The following ADAM19 variants were observed in gnomAD, a reference collection of about 807,000 sequenced individuals.
The protein encoded by ADAM19 is ADAM metallopeptidase domain 19, also known as disintegrin and metalloproteinase domain-containing protein 19.
A neutral mutation model predicts 114.7 loss-of-function variants in ADAM19; 65 were observed. The observed-to-expected ratio is 0.57, with a 90% CI of 0.46 to 0.70. The LOEUF (loss-of-function observed/expected upper bound fraction) is 0.70, where lower values mean the gene tolerates loss of function less well. Ranked by LOEUF, ADAM19 falls within the 30% of genes least tolerant of loss-of-function variation. The pLI, the probability that ADAM19 is intolerant of heterozygous loss-of-function variation, is 0.00. For missense variants in ADAM19, 1,063 were observed against 1,204.7 expected (o/e 0.88, Z 1.74); for synonymous variants, 466 against 460.5 (o/e 1.01, Z -0.15).
intron 5 of ADAM19, among the ~76,000 whole-genome samples, chr5:157,524,812 T>C (rs1243647491): frequency 6.6e-6 from 1 of 152,244 alleles, no homozygotes; most frequent in Admixed American, 6.5e-5. Flanking sequence ...GTTGCTGTGA[T>C]AATGGACTGA....
chr5:157,503,448 A>T (rs1339600808), intron 11 of ADAM19, among the ~76,000 whole-genome samples: 1 of 152,116 alleles, frequency 6.6e-6, no homozygotes, highest in Non-Finnish European at 1.5e-5. Context: ...CATATGTAAC[A>T]AACCTGCACG....
intron 1 of ADAM19, 120 bp downstream of exon 1, chr5:157,575,483 C>T (rs1581366985): frequency 3.0e-6 from 2 of 673,256 alleles, no homozygotes; most frequent in Non-Finnish European, 4.4e-6. Flanking sequence ...ACGGCGGGGG[C>T]GCAGGCCCCG....
chr5:157,497,570 T>TACATAC (rs1755404300), intron 13 of ADAM19, among the ~76,000 whole-genome samples: 1 of 116,686 alleles, frequency 8.6e-6, no homozygotes, highest in African/African-American at 3.9e-5. Flanking sequence ...GGCCCACTAA[T>TACATAC]ACACACACAC....
intron 22 of ADAM19, chr5:157,481,465 G>T (rs1431169351): frequency 2.5e-6 from 2 of 812,764 alleles, no homozygotes; most frequent in South Asian, 1.9e-5. Context: ...ACCTGATGGG[G>T]CTGGTACTAC....
intron 9 of ADAM19, among the ~76,000 whole-genome samples, chr5:157,508,776 C>G (rs1581312826): frequency 6.6e-6 from 1 of 152,276 alleles, no homozygotes; most frequent in East Asian, 1.9e-4. Context: ...AAATCTAGCA[C>G]AATCCCTCCT....
chr5:157,496,660 C>T (rs1169120523), intron 14 of ADAM19, among the ~76,000 whole-genome samples: 3 of 152,144 alleles, frequency 2.0e-5, no homozygotes, highest in South Asian at 4.1e-4. Context: ...GCTCATTTTT[C>T]TTTTGGATTA....
chr5:157,487,582 G>A (rs1399487224), intron 21 of ADAM19, among the ~76,000 whole-genome samples: 2 of 152,228 alleles, frequency 1.3e-5, no homozygotes, highest in African/African-American at 4.8e-5. Flanking sequence ...CCTGCAGAAG[G>A]TGTGGTCAGA....
At chr5:157,510,340 G>A (rs181825539) in intron 8 of ADAM19, among the ~76,000 whole-genome samples, 86 of 152,332 alleles carry the variant, frequency 5.6e-4, no homozygotes, top group Non-Finnish European at 8.1e-4. Context: ...TGGGCGTGGT[G>A]GCGCATGCCT....
intron 16 of ADAM19, among the ~76,000 whole-genome samples, chr5:157,492,376 T>A (rs1418348182): frequency 1.3e-5 from 2 of 152,168 alleles, no homozygotes; most frequent in East Asian, 3.8e-4. Flanking sequence ...CCCACAACGC[T>A]AAGGACAGGA....
intron 3 of ADAM19, among the ~76,000 whole-genome samples, chr5:157,558,734 T>C (rs1378417752): frequency 6.6e-6 from 1 of 152,102 alleles, no homozygotes; most frequent in African/African-American, 2.4e-5. Flanking sequence ...TAGTTTTGCT[T>C]TGGGTCTGCT....
rs573657613 is a variant in ADAM19, at chr5:157,564,693, G to T, written c.181-250C>A. Among the ~76,000 whole-genome samples the T allele has an allele frequency of 2.0e-5, 3 of 152,336 alleles. No individual in the cohort carries two copies. The South Asian group carries it at 6.2e-4, about 32-fold the overall frequency. ...TGCAATGTGGTGTAAGTGTATGTATGTGGTGCGGTGAAGGGAAACACTGGA... is the reference window on the plus strand; with the variant it reads ...TGCAATGTGGTGTAAGTGTATGTATTTGGTGCGGTGAAGGGAAACACTGGA... On this transcript the variant is annotated intron_variant, in intron 2 of 22. Coordinates refer to ENST00000257527, the MANE Select transcript of ADAM19 (RefSeq NM_033274.5).
intron 5 of ADAM19, 100 bp downstream of exon 5, chr5:157,530,707 T>C: frequency 9.9e-7 from 1 of 1,011,300 alleles, no homozygotes; most frequent in Non-Finnish European, 1.5e-6. Context: ...ACATTCTCAA[T>C]GGACTCCTTC....
Position 157,477,840 on chromosome 5 carries a change from G to T in ADAM19, c.*3109C>A. The T allele has an allele frequency of 1.4e-6, 1 of 718,392 alleles. No homozygotes were observed. 44.5% of individuals were successfully genotyped at this position (718,392 alleles called of 1,614,324 possible). On this transcript the variant is annotated 3_prime_UTR_variant, in exon 23 of 23. Transcript: ENST00000257527. The stretch of plus-strand genomic sequence containing the variant: ...GGAGGGGCTATTGCTTCAGGGGGAA[G>T]GGACTATGGCAATACAAAAAAACAC...
At chr5:157,559,627 A>G (rs552731476) in intron 3 of ADAM19, among the ~76,000 whole-genome samples, 1 of 152,328 alleles carries the variant, frequency 6.6e-6, no homozygotes, top group Admixed American at 6.5e-5. Context: ...ATTTGATTTC[A>G]GCAAACAAGT....
rs1190866580 is a variant in ADAM19 at position 157,479,218 on chromosome 5, A to G, written c.*1731T>C. On this transcript the variant is annotated 3_prime_UTR_variant, in exon 23 of 23. Transcript: ENST00000257527. ...TTTTCCTGAGATCTTTCTAAACCCA[A>G]CCCAGGCTTTTCCCCCAGGGGTACA... is the stretch of plus-strand genomic sequence containing the variant. The G allele has an allele frequency of 2.0e-6, 2 of 985,608 alleles. No individual in the cohort carries two copies. The highest frequency in any genetic ancestry group is 1.7e-5 in the African/African-American group (1 of 57,144). 61.1% of individuals were successfully genotyped at this position (985,608 alleles called of 1,614,324 possible). A position where few individuals can be genotyped will look rare whatever the true frequency, so the allele number is the denominator to read the frequency against.
chr5:157,540,027 T>C (rs565597792), intron 3 of ADAM19, among the ~76,000 whole-genome samples: 1 of 152,380 alleles, frequency 6.6e-6, no homozygotes, highest in East Asian at 1.9e-4. Context: ...TGTATGTCTC[T>C]GAACCTTTGT....
chr5:157,534,746 T>C (rs1477280484), intron 4 of ADAM19, among the ~76,000 whole-genome samples: 2 of 152,202 alleles, frequency 1.3e-5, no homozygotes, highest in African/African-American at 2.4e-5. Context: ...CACAATCTTA[T>C]GAGGCAGATA....
intron 7 of ADAM19, among the ~76,000 whole-genome samples, chr5:157,516,711 A>G (rs1446974988): frequency 2.0e-5 from 3 of 152,184 alleles, no homozygotes; most frequent in Non-Finnish European, 4.4e-5. Context: ...ATGATCACAG[A>G]TGCAGAACTT....
chr5:157,556,655 T>C (rs182184502), intron 3 of ADAM19, among the ~76,000 whole-genome samples: 147 of 152,330 alleles, frequency 9.7e-4, no homozygotes, highest in Non-Finnish European at 1.7e-3. Context: ...ATGTCTCTAT[T>C]TTCTATGCAA....
Sources: gnomAD v4.1 joint callset for allele counts (sites outside exome capture counted in the v4.1 genomes callset) on GRCh38, gnomAD v4.1.1 for gene constraint, MANE v1.5 for transcripts, NCBI Gene and HGNC (gene_info 2026-07-23, HGNC 2026-07-21) for gene names.